Variants in ENAH observed in about 807,000 individuals in gnomAD.
ENAH encodes the protein protein enabled homolog.
In ENAH, 23 loss-of-function variants were observed where a neutral mutation model predicts 78.7. The ratio of observed to expected loss-of-function variants is 0.29; its 90% CI spans 0.21 to 0.41. The LOEUF is 0.41. ENAH is among the 10% of genes least tolerant of loss of function. ENAH has a pLI of 1.00. For synonymous variants in ENAH, 226 were observed against 241.0 expected, an observed-to-expected ratio of 0.94 and a Z score of 0.58; for missense variants, 544 against 691.0, an observed-to-expected ratio of 0.79 and a Z score of 2.39.
At chr1:225,625,007 T>G (rs1657685676) in intron 1 of ENAH, among the ~76,000 whole-genome samples, 1 of 152,192 alleles carries the variant, frequency 6.6e-6, no homozygotes. Flanking sequence ...TGGAGAACTG[T>G]GGTCAACAAT....
In ENAH at chr1:225,494,991, T is replaced by C. The variant is rs2096242622; in HGVS notation, c.*2784A>G. The C allele has an allele frequency of 6.6e-6, 1 of 152,628 alleles. No individual in the cohort carries two copies. The highest frequency in any genetic ancestry group is 2.1e-4 in the South Asian group (1 of 4,834). The allele number at this position is 152,628 out of a possible 1,614,324, so 9.5% of individuals were successfully genotyped here. A position where few individuals can be genotyped will look rare whatever the true frequency, so the allele number is the denominator to read the frequency against. On this transcript the variant is annotated 3_prime_UTR_variant, in exon 14 of 14. Transcript: ENST00000366843. ...ATTCATTAGTGTTTCATCTTCAGTT[T>C]TGATTGACACTTGATGCTTGCAAAT...
chr1:225,519,507 T>C lies in ENAH; in HGVS notation c.493A>G (p.Arg165Gly). The C allele has an allele frequency of 6.2e-7, 1 of 1,612,570 alleles. No homozygotes were observed. Among genetic ancestry groups the C allele is most frequent in the Non-Finnish European group, 8.5e-7 (1 of 1,179,252 alleles). Residue 165 changes from arginine to glycine, a missense_variant, in exon 5 of 14, where the codon AGA becomes GGA. By Grantham distance (125) the Arg-to-Gly change is moderately radical (BLOSUM62 -2). Transcript: ENST00000366843. ...CTCTCCAACCTTTCTCTTTCCATTC[T>C]TTCTCGCTCCAGCCTTTCCCGCTCC... The part of the protein sequence containing the change: ...ELERERLERE[R>G]MERERLERER...
intron 1 of ENAH, among the ~76,000 whole-genome samples, chr1:225,641,469 T>TAAAAAA (rs76444455): frequency 3.8e-5 from 2 of 52,282 alleles, no homozygotes; most frequent in African/African-American, 1.5e-4. Context: ...ACTCCATCTC[T>TAAAAAA]AAAAAAAAAA....
intron 1 of ENAH, among the ~76,000 whole-genome samples, chr1:225,580,427 C>T (rs1315283924): frequency 6.6e-6 from 1 of 152,140 alleles, no homozygotes; most frequent in Non-Finnish European, 1.5e-5. Context: ...GACTGCAGCC[C>T]TGGCCAACAT....
rs935463653 is a variant in ENAH at position 225,554,211 on chromosome 1, T to C, written c.349+695A>G. Among the ~76,000 whole-genome samples the C allele has an allele frequency of 6.6e-5, 10 of 152,332 alleles. No individual in the cohort carries two copies. In the South Asian group the frequency reaches 2.1e-3, roughly 32 times the overall value. On this transcript the variant is annotated intron_variant, in intron 3 of 13. Transcript: ENST00000366843. ...GTTTTCATGTATAACAATTATTTCC[T>C]GATTATAAAATCTCTCTCTTCAAAG...
chr1:225,587,887 G>A (rs1428809984), intron 1 of ENAH, among the ~76,000 whole-genome samples: 1 of 152,048 alleles, frequency 6.6e-6, no homozygotes, highest in African/African-American at 2.4e-5. Flanking sequence ...GTGGAGAAAA[G>A]ATAATCTTTT....
intron 1 of ENAH, among the ~76,000 whole-genome samples, chr1:225,615,804 C>G (rs1190141653): frequency 1.3e-5 from 2 of 151,364 alleles, no homozygotes; most frequent in Non-Finnish European, 2.9e-5. Flanking sequence ...CCCCTCTGCC[C>G]GGCCGCCACC....
chr1:225,519,718 TAG>T (rs2151173673), intron 4 of ENAH, among the ~76,000 whole-genome samples, 153 bp from the exon 5 acceptor site: 1 of 152,334 alleles, frequency 6.6e-6, no homozygotes, highest in South Asian at 2.1e-4. Flanking sequence ...CTACCTTGGA[TAG>T]AGACTGTTTC....
chr1:225,596,053 G>GCCTCTCA (rs1020330291), intron 1 of ENAH, among the ~76,000 whole-genome samples: 2 of 151,956 alleles, frequency 1.3e-5, no homozygotes, highest in Admixed American at 1.3e-4. Flanking sequence ...TAATTCTATA[G>GCCTCTCA]CCTCTCACAA....
chr1:225,497,796 C>G lies in ENAH; in HGVS notation c.1692G>C (p.Leu564=), dbSNP rs1225697856. 1 of 1,612,386 alleles carries G rather than the reference C, an allele frequency of 6.2e-7. No individual in the cohort carries two copies. Among genetic ancestry groups the G allele is most frequent in the South Asian group, 1.1e-5 (1 of 90,932 alleles). The change falls in exon 14 of 14, where the codon CTG becomes CTC. Residue 564 remains leucine, a synonymous_variant. Coordinates refer to ENST00000366843, the MANE Select transcript of ENAH (RefSeq NM_018212.6). The part of the protein sequence containing the change: ...EELIDAIRQE[L]SKSNTA ...TCCTCTATGCAGTATTTGACTTGCT[C>G]AGTTCCTGCCTGATTGCTGGATGGA...
intron 1 of ENAH, among the ~76,000 whole-genome samples, chr1:225,588,801 CAAAAAAAAAAAAAA>C (rs55962047): frequency 5.1e-5 from 4 of 78,424 alleles, no homozygotes; most frequent in Admixed American, 2.6e-4. Flanking sequence ...AAGTCTGTGT[CAAAAAAAAAAAAAA>C]AAAAAAAAAA....
intron 1 of ENAH, among the ~76,000 whole-genome samples, chr1:225,604,143 T>A (rs1196483875): frequency 6.6e-6 from 1 of 152,198 alleles, no homozygotes; most frequent in Non-Finnish European, 1.5e-5. Flanking sequence ...ATTCTACTAA[T>A]TAAACTCAAA....
At position 225,491,076 on chromosome 1, in the gene ENAH, G is replaced by A. The variant is rs1189908647; in HGVS notation, c.*6699C>T. The A allele has an allele frequency of 6.6e-6, 1 of 152,184 alleles. No individual in the cohort carries two copies. The highest frequency in any genetic ancestry group is 1.5e-5 in the Non-Finnish European group (1 of 68,022). The allele number at this position is 152,184 out of a possible 1,614,324, so 9.4% of individuals were successfully genotyped here. On this transcript the variant is annotated 3_prime_UTR_variant, in exon 14 of 14. Transcript: ENST00000366843. The stretch of plus-strand genomic sequence containing the variant: ...TGCCTCGGTCAGCAGAACCAACCAA[G>A]TGACACCTGAGATCAACTGGTAGTA...
At chr1:225,565,739 A>G (rs2096731610) in intron 2 of ENAH, among the ~76,000 whole-genome samples, 2 of 152,170 alleles carry the variant, frequency 1.3e-5, no homozygotes, top group African/African-American at 2.4e-5. Context: ...TGCTCCCCAG[A>G]ACCTGGACTA....
At chr1:225,532,437 A>G (rs1336160028) in intron 3 of ENAH, among the ~76,000 whole-genome samples, 9 of 152,154 alleles carry the variant, frequency 5.9e-5, no homozygotes, top group Non-Finnish European at 8.8e-5. Flanking sequence ...GCTGAATGTG[A>G]GTAGGTTAGA....
At chr1:225,504,849 G>T in intron 11 of ENAH, 1 of 481,842 alleles carries the variant, frequency 2.1e-6, no homozygotes, top group Non-Finnish European at 3.7e-6. Context: ...GTGAAGTGAT[G>T]GCAGAATTTT....
intron 4 of ENAH, among the ~76,000 whole-genome samples, chr1:225,525,490 A>G (rs2096496524): frequency 6.6e-6 from 1 of 152,216 alleles, no homozygotes; most frequent in Admixed American, 6.5e-5. Context: ...AACCACGGTC[A>G]GGTTTTTCTA....
At chr1:225,559,490 G>T (rs550687610) in intron 2 of ENAH, among the ~76,000 whole-genome samples, 17 of 152,208 alleles carry the variant, frequency 1.1e-4, no homozygotes, top group Admixed American at 9.8e-4. Context: ...GTTACTAACA[G>T]AAGTAAGTTA....
intron 1 of ENAH, among the ~76,000 whole-genome samples, chr1:225,590,750 C>T (rs1487283676): frequency 1.3e-5 from 2 of 152,162 alleles, no homozygotes; most frequent in Non-Finnish European, 2.9e-5. Context: ...AACACCTCCT[C>T]CACTCTGTTC....
Sources: allele counts gnomAD v4.1 joint callset (sites outside exome capture counted in the v4.1 genomes callset), GRCh38; gene constraint gnomAD v4.1.1; transcripts MANE v1.5; gene names NCBI Gene and HGNC (gene_info 2026-07-23, HGNC 2026-07-21).